Variants in KCNIP4 observed in about 807,000 individuals in gnomAD.
The protein encoded by KCNIP4 is potassium voltage-gated channel interacting protein 4.
Under a neutral mutation model 34.0 loss-of-function variants are expected in KCNIP4, and 12 were observed. The ratio of observed to expected loss-of-function variants is 0.35; its 90% CI spans 0.23 to 0.57. KCNIP4 has a LOEUF of 0.57. Among genes scored for constraint, KCNIP4 ranks in the 20% least tolerant of loss-of-function variants. KCNIP4 has a pLI of 0.83. For missense variants in KCNIP4, 238 were observed against 311.7 expected (o/e 0.76, Z 1.78); for synonymous variants, 124 against 102.2 (o/e 1.21, Z -1.29).
intron 1 of KCNIP4, among the ~76,000 whole-genome samples, chr4:21,915,419 C>A (rs534126488): frequency 5.3e-5 from 8 of 152,320 alleles, no homozygotes; most frequent in East Asian, 3.9e-4. Context: ...ATCTTTTTAA[C>A]AACTCCAGTA....
At chr4:21,610,234 A>T (rs879485543) in intron 1 of KCNIP4, among the ~76,000 whole-genome samples, 1 of 152,248 alleles carries the variant, frequency 6.6e-6, no homozygotes, top group Non-Finnish European at 1.5e-5. Flanking sequence ...TCTGGAGGCT[A>T]GACATCCAAA....
At chr4:21,338,483 T>C (rs1263535668) in intron 1 of KCNIP4, among the ~76,000 whole-genome samples, 2 of 148,942 alleles carry the variant, frequency 1.3e-5, no homozygotes, top group Non-Finnish European at 3.0e-5. Context: ...GGCATGTTCT[T>C]GTAGTCCCCG....
intron 1 of KCNIP4, among the ~76,000 whole-genome samples, chr4:21,025,810 T>C (rs1301383908): frequency 6.6e-6 from 1 of 152,034 alleles, no homozygotes; most frequent in African/African-American, 2.4e-5. Flanking sequence ...TGCCTTGGCC[T>C]CCCTAAAGTG....
chr4:21,489,049 G>A (rs957318223), intron 1 of KCNIP4, among the ~76,000 whole-genome samples: 3 of 152,092 alleles, frequency 2.0e-5, no homozygotes, highest in Non-Finnish European at 4.4e-5. Flanking sequence ...ACACAAAGCT[G>A]TCTCCCTCAA....
At chr4:21,282,619 A>T (rs1165006497) in intron 1 of KCNIP4, among the ~76,000 whole-genome samples, 4 of 152,218 alleles carry the variant, frequency 2.6e-5, no homozygotes, top group African/African-American at 9.6e-5. Flanking sequence ...GGTTTATGTT[A>T]TCCAGTGTTT....
At chr4:21,277,817 C>T (rs1369811300) in intron 1 of KCNIP4, among the ~76,000 whole-genome samples, 2 of 152,048 alleles carry the variant, frequency 1.3e-5, no homozygotes, top group Admixed American at 1.3e-4. Context: ...CTATCAAAGG[C>T]ACAAAACAGT....
intron 1 of KCNIP4, among the ~76,000 whole-genome samples, chr4:21,581,905 C>T (rs2109073570): frequency 6.6e-6 from 1 of 151,528 alleles, no homozygotes; most frequent in Non-Finnish European, 1.5e-5. Flanking sequence ...GGTCATGAAC[C>T]CAATTTAATG....
intron 1 of KCNIP4, among the ~76,000 whole-genome samples, chr4:20,894,101 A>T (rs1577327747): frequency 6.6e-6 from 1 of 151,656 alleles, no homozygotes; most frequent in African/African-American, 2.4e-5. Flanking sequence ...GGCTGGTCTT[A>T]AACTCCTGAC....
At chr4:20,964,905 T>C (rs1337930960) in intron 1 of KCNIP4, among the ~76,000 whole-genome samples, 1 of 152,174 alleles carries the variant, frequency 6.6e-6, no homozygotes, top group African/African-American at 2.4e-5. Context: ...AGAGATTTTT[T>C]CAATTAGGAG....
intron 1 of KCNIP4, among the ~76,000 whole-genome samples, chr4:21,288,398 C>A (rs982117480): frequency 2.0e-5 from 3 of 152,028 alleles, no homozygotes; most frequent in Non-Finnish European, 2.9e-5. Context: ...AAGTCCCTAT[C>A]ATTATTACAG....
chr4:21,087,167 T>TGC (rs1260958766), intron 1 of KCNIP4, among the ~76,000 whole-genome samples: 1 of 147,108 alleles, frequency 6.8e-6, no homozygotes, highest in East Asian at 2.0e-4. Flanking sequence ...TGTGTGTGTG[T>TGC]GTGTGTGTGT....
intron 1 of KCNIP4, among the ~76,000 whole-genome samples, chr4:20,955,908 T>C (rs1733255686): frequency 6.6e-6 from 1 of 152,204 alleles, no homozygotes; most frequent in Non-Finnish European, 1.5e-5. Context: ...GTTATAGTGC[T>C]TATTATTGGA....
At chr4:21,715,213 T>C (rs1028457891) in intron 1 of KCNIP4, among the ~76,000 whole-genome samples, 8 of 151,508 alleles carry the variant, frequency 5.3e-5, no homozygotes, top group Non-Finnish European at 8.8e-5. Flanking sequence ...CCCAAGTACC[T>C]GGGACTACAC....
At chr4:21,038,842 A>C (rs1741690190) in intron 1 of KCNIP4, among the ~76,000 whole-genome samples, 1 of 152,186 alleles carries the variant, frequency 6.6e-6, no homozygotes, top group Non-Finnish European at 1.5e-5. Flanking sequence ...TAAGTGAAAG[A>C]GTTGAGATTC....
chr4:21,298,786 TTA>T (rs1578042203), intron 1 of KCNIP4, among the ~76,000 whole-genome samples: 2 of 152,308 alleles, frequency 1.3e-5, no homozygotes, highest in East Asian at 3.9e-4. Context: ...GTACACATGC[TTA>T]TGCTTGTTAA....
chr4:21,619,659 T>C (rs917223936), intron 1 of KCNIP4, among the ~76,000 whole-genome samples: 3 of 152,200 alleles, frequency 2.0e-5, no homozygotes, highest in Admixed American at 6.5e-5. Flanking sequence ...GTTGATTGTA[T>C]TCACCAAATA....
At chr4:21,361,934 C>G (rs188662026) in intron 1 of KCNIP4, among the ~76,000 whole-genome samples, 1 of 152,126 alleles carries the variant, frequency 6.6e-6, no homozygotes, top group Admixed American at 6.6e-5. Context: ...CTTCTCTTTT[C>G]AAAACTCCTC....
chr4:21,677,111 C>T (rs1749975635), intron 1 of KCNIP4, among the ~76,000 whole-genome samples: 1 of 151,688 alleles, frequency 6.6e-6, no homozygotes, highest in African/African-American at 2.4e-5. Flanking sequence ...CCAAGTTAGA[C>T]ATTTTGGCTT....
intron 3 of KCNIP4, among the ~76,000 whole-genome samples, chr4:20,799,584 G>T (rs1349926045): frequency 2.6e-5 from 4 of 152,146 alleles, no homozygotes; most frequent in Non-Finnish European, 5.9e-5. Flanking sequence ...AGGGAATGAA[G>T]TCATTGCTGT....
Sources: allele counts gnomAD v4.1 joint callset (sites outside exome capture counted in the v4.1 genomes callset), GRCh38; gene constraint gnomAD v4.1.1; transcripts MANE v1.5; gene names NCBI Gene and HGNC (gene_info 2026-07-23, HGNC 2026-07-21).